The following SPIDR variants were observed in gnomAD, a reference collection of about 807,000 sequenced individuals.
SPIDR encodes DNA repair-scaffolding protein.
In SPIDR, 93 loss-of-function variants were observed where a neutral mutation model predicts 104.6. The observed-to-expected ratio is 0.89, with a 90% CI of 0.75 to 1.06. The LOEUF is 1.06. Among genes scored for constraint, SPIDR ranks in the 50% least tolerant of loss-of-function variants. The pLI, the probability that SPIDR is intolerant of heterozygous loss-of-function variation, is 0.00. For synonymous variants in SPIDR, 431 were observed against 416.9 expected, an observed-to-expected ratio of 1.03 and a Z score of -0.41; for missense variants, 1,154 against 1,111.2, an observed-to-expected ratio of 1.04 and a Z score of -0.55.
chr8:47,648,001 C>T (rs944809435), intron 10 of SPIDR, among the ~76,000 whole-genome samples: 5 of 152,064 alleles, frequency 3.3e-5, no homozygotes, highest in African/African-American at 4.8e-5. Context: ...GTGAGGAGGT[C>T]TAGAAAGCCA....
At chr8:47,616,297 G>A (rs1411966287) in intron 10 of SPIDR, among the ~76,000 whole-genome samples, 1 of 152,188 alleles carries the variant, frequency 6.6e-6, no homozygotes, top group Non-Finnish European at 1.5e-5. Context: ...TAGCTGTGGA[G>A]TTTTCATCAA....
intron 5 of SPIDR, among the ~76,000 whole-genome samples, chr8:47,363,802 C>G (rs1294546783): frequency 6.6e-6 from 1 of 151,586 alleles, no homozygotes; most frequent in Non-Finnish European, 1.5e-5. Flanking sequence ...TGGTGGCCAG[C>G]TACCAGAGTG....
chr8:47,280,253 T>A (rs985617600), intron 2 of SPIDR, among the ~76,000 whole-genome samples: 18 of 151,462 alleles, frequency 1.2e-4, no homozygotes, highest in African/African-American at 3.6e-4. Context: ...TATTTATTTA[T>A]TTTTTTTGGA....
chr8:47,307,853 A>G (rs1197105328), intron 5 of SPIDR, among the ~76,000 whole-genome samples: 3 of 151,942 alleles, frequency 2.0e-5, no homozygotes, highest in South Asian at 4.1e-4. Flanking sequence ...ACTTTGAACA[A>G]CTTTAAAACA....
At position 47,729,325 on chromosome 8, in the gene SPIDR, CAT is replaced by C. The variant is rs367900110; in HGVS notation, c.2551-86_2551-85del. 5,566 of 1,520,628 alleles carry C rather than the reference CAT, an allele frequency of 3.7e-3. 50 individuals carry two copies. The highest frequency in any genetic ancestry group is 0.023 in the South Asian group (1,922 of 82,030). The allele number at this position is 1,520,628 out of a possible 1,614,324, so 94.2% of individuals were successfully genotyped here. On this transcript the variant is annotated intron_variant, in intron 18 of 19. Transcript: ENST00000297423. Reference sequence around the variant, plus strand: ...CTGAAGACAGGTGGTTTGGATATAACATGTTAATTTTCGGGAATGAGTGATTT... The same window carrying C: ...CTGAAGACAGGTGGTTTGGATATAACGTTAATTTTCGGGAATGAGTGATTT...
At chr8:47,687,743 G>A (rs2078009092) in intron 11 of SPIDR, among the ~76,000 whole-genome samples, 1 of 152,166 alleles carries the variant, frequency 6.6e-6, no homozygotes, top group South Asian at 2.1e-4. Flanking sequence ...TTTCTTTACA[G>A]TTATACTACT....
At chr8:47,422,234 C>T (rs2065626179) in intron 7 of SPIDR, among the ~76,000 whole-genome samples, 1 of 152,184 alleles carries the variant, frequency 6.6e-6, no homozygotes, top group Admixed American at 6.5e-5. Flanking sequence ...AGGCAGGCCT[C>T]CTTGAGCTCC....
At chr8:47,467,265 A>G (rs1554718084) in intron 8 of SPIDR, among the ~76,000 whole-genome samples, 1 of 152,186 alleles carries the variant, frequency 6.6e-6, no homozygotes, top group Non-Finnish European at 1.5e-5. Flanking sequence ...ACAGATTCAC[A>G]GCTGAATTCT....
intron 8 of SPIDR, among the ~76,000 whole-genome samples, chr8:47,541,398 C>T (rs947290409): frequency 6.6e-6 from 1 of 152,114 alleles, no homozygotes; most frequent in Non-Finnish European, 1.5e-5. Context: ...TATATCTTCC[C>T]ATGGGAAGGG....
chr8:47,589,864 T>C (rs2060776753), intron 8 of SPIDR, among the ~76,000 whole-genome samples: 1 of 152,180 alleles, frequency 6.6e-6, no homozygotes, highest in South Asian at 2.1e-4. Flanking sequence ...ATTTTATTTA[T>C]TTCTGCTCTT....
intron 8 of SPIDR, among the ~76,000 whole-genome samples, chr8:47,532,984 T>TA (rs1279301841): frequency 6.6e-6 from 1 of 152,184 alleles, no homozygotes; most frequent in Non-Finnish European, 1.5e-5. Flanking sequence ...ACTTGGAAGT[T>TA]AAACAGTACA....
intron 8 of SPIDR, chr8:47,511,783 T>G (rs1347560602): frequency 8.8e-6 from 11 of 1,247,684 alleles, no homozygotes; most frequent in Non-Finnish European, 1.3e-5. Context: ...TTTAAAGAGA[T>G]CATCCACCAG....
rs2047623879 is a variant in SPIDR, at chr8:47,326,136, T to G, written c.525+32106T>G. Among the ~76,000 whole-genome samples the G allele has an allele frequency of 2.6e-5, 4 of 152,170 alleles. No homozygotes were observed. The South Asian group carries it at 8.3e-4, about 31-fold the overall frequency. ...CTGCCTCCGAAGTAGCTAAGACTAG[T>G]GGTGCATGCCACCACGTCCTGCTCG... On this transcript the variant is annotated intron_variant, in intron 5 of 19. Transcript: ENST00000297423.
At chr8:47,409,843 A>G (rs2063261814) in intron 7 of SPIDR, among the ~76,000 whole-genome samples, 1 of 152,208 alleles carries the variant, frequency 6.6e-6, no homozygotes, top group African/African-American at 2.4e-5. Flanking sequence ...AGCCTGAGCA[A>G]TGTAGTGAAA....
intron 5 of SPIDR, among the ~76,000 whole-genome samples, chr8:47,317,652 G>C (rs954923909): frequency 6.6e-6 from 1 of 152,306 alleles, no homozygotes; most frequent in East Asian, 1.9e-4. Context: ...GCCTCCTCAA[G>C]TGGGTCCCTG....
At chr8:47,339,389 G>A (rs2050313055) in intron 5 of SPIDR, among the ~76,000 whole-genome samples, 1 of 152,102 alleles carries the variant, frequency 6.6e-6, no homozygotes, top group South Asian at 2.1e-4. Flanking sequence ...TGTGATTGTA[G>A]CCAGAGAAAA....
At chr8:47,303,724 T>G (rs1449167017) in intron 5 of SPIDR, among the ~76,000 whole-genome samples, 5 of 152,242 alleles carry the variant, frequency 3.3e-5, no homozygotes, top group Non-Finnish European at 7.3e-5. Context: ...ATCATGTGAA[T>G]GATCCTTTTA....
chr8:47,440,537 T>C lies in SPIDR; in HGVS notation c.1092T>C (p.Pro364=). The C allele has an allele frequency of 1.2e-6, 2 of 1,613,086 alleles. No individual in the cohort carries two copies. Among genetic ancestry groups the C allele is most frequent in the South Asian group, 1.1e-5 (1 of 91,056 alleles). Residue 364 remains proline, a synonymous_variant, in exon 8 of 20, where the codon CCT becomes CCC. Coordinates refer to ENST00000297423, the MANE Select transcript of SPIDR (RefSeq NM_001080394.4). ...CCCAGGACACTGTCCGGATCTTCCCTCCCTGGTGAGTGCGCAGAACTTAAT... is the reference window on the plus strand; with the variant it reads ...CCCAGGACACTGTCCGGATCTTCCCCCCCTGGTGAGTGCGCAGAACTTAAT... ...GRPQDTVRIF[P]PWQKLIIPSG...
chr8:47,713,515 G>T lies in SPIDR; in HGVS notation c.2215G>T (p.Val739Phe). 1.2e-6 allele frequency: 2 copies of T among 1,614,152 alleles called. No individual in the cohort carries two copies. Among genetic ancestry groups the T allele is most frequent in the Non-Finnish European group, 1.7e-6 (2 of 1,180,036 alleles). The change falls in exon 16 of 20, where the codon GTC becomes TTC. Residue 739 changes from valine (V) to phenylalanine (F), a missense_variant. Coordinates refer to ENST00000297423, the MANE Select transcript of SPIDR (RefSeq NM_001080394.4). ...TCGGATTGTTTGTGCTGAACGAACT[G>T]TCCTCTTGCTTCAGAAGCCCCTTTT... The part of the protein sequence containing the change: ...QGRIVCAERT[V>F]LLLQKPLLSV...
Sources: gnomAD v4.1 joint callset for allele counts (sites outside exome capture counted in the v4.1 genomes callset) on GRCh38, gnomAD v4.1.1 for gene constraint, MANE v1.5 for transcripts, NCBI Gene and HGNC (gene_info 2026-07-23, HGNC 2026-07-21) for gene names.